ARHGAP17: variants seen among roughly 807,000 people sequenced by gnomAD.
The protein encoded by ARHGAP17 is Rho GTPase activating protein 17.
In ARHGAP17, 57 loss-of-function variants were observed where a neutral mutation model predicts 99.5. The observed-to-expected ratio is 0.57, with a 90% CI of 0.46 to 0.71. The LOEUF is 0.71. Ranked by LOEUF, ARHGAP17 falls within the 30% of genes least tolerant of loss-of-function variation. ARHGAP17 has a pLI of 0.00. For missense variants in ARHGAP17, 1,000 were observed against 1,122.4 expected, an observed-to-expected ratio of 0.89 and a Z score of 1.56; for synonymous variants, 417 against 429.6, an observed-to-expected ratio of 0.97 and a Z score of 0.36.
chr16:24,930,781 T>TA lies in ARHGAP17; in HGVS notation c.2515+2dup, dbSNP rs1376631729. Reference sequence around the variant, plus strand: ...GAAATACGGGCATTGATGTCCTACTTACCTGTTACTATCTTGGAAGCTGTT... The same window carrying TA: ...GAAATACGGGCATTGATGTCCTACTTAACCTGTTACTATCTTGGAAGCTGTT... On this transcript the variant is annotated splice_region_variant and intron_variant, in intron 19 of 19. Transcript: ENST00000289968. 1 of 1,614,214 alleles carries TA rather than the reference T, an allele frequency of 6.2e-7. No homozygotes were observed.
chr16:24,972,032 T>A (rs1207894562), intron 3 of ARHGAP17, among the ~76,000 whole-genome samples: 1 of 152,238 alleles, frequency 6.6e-6, no homozygotes. Flanking sequence ...CAGCATCCCA[T>A]GTAATTTCAC....
intron 19 of ARHGAP17, among the ~76,000 whole-genome samples, chr16:24,924,817 C>T (rs147343131): frequency 1.7e-3 from 251 of 151,460 alleles, no homozygotes; most frequent in African/African-American, 4.4e-3. Context: ...GAGCTGAGAT[C>T]GCACCACTGC....
chr16:24,953,101 G>A lies in ARHGAP17; in HGVS notation c.853-59C>T. ...CAGGTTGGGACACTCAGACTAAGTG[G>A]CAGTGTGTTCTGATGGGTATTTCCT... On this transcript the variant is annotated intron_variant, in intron 10 of 19. Transcript: ENST00000289968. 2.7e-6 allele frequency: 4 copies of A among 1,492,914 alleles called. No homozygotes were observed. The Admixed American group carries it at 6.9e-5, about 26-fold the overall frequency. The allele number at this position is 1,492,914 out of a possible 1,614,324, so 92.5% of individuals were successfully genotyped here.
In ARHGAP17 at chr16:24,995,650, G is replaced by A. The variant is rs1439243452; in HGVS notation, c.54-16645C>T. On this transcript the variant is annotated intron_variant, in intron 1 of 19. Coordinates refer to ENST00000289968, the MANE Select transcript of ARHGAP17 (RefSeq NM_001006634.3). ...CGGCAATCCACCACCAGGGTGGGCAGGAGAGCCAAGGGCCAGCCCAATTCT... is the reference window on the plus strand; with the variant it reads ...CGGCAATCCACCACCAGGGTGGGCAAGAGAGCCAAGGGCCAGCCCAATTCT... 3.3e-5 allele frequency among the ~76,000 whole-genome samples: 5 copies of A among 152,222 alleles called. No homozygotes were observed. In the East Asian group the frequency reaches 9.6e-4, roughly 29 times the overall value.
intron 1 of ARHGAP17, among the ~76,000 whole-genome samples, chr16:24,997,432 G>A (rs542403479): frequency 8.5e-5 from 13 of 152,268 alleles, no homozygotes; most frequent in Non-Finnish European, 1.9e-4. Context: ...ACTAGTGCAA[G>A]GCACCCAGTA....
At chr16:24,927,760 T>A in intron 19 of ARHGAP17, 1 of 1,021,214 alleles carries the variant, frequency 9.8e-7, no homozygotes, top group South Asian at 1.5e-5. Context: ...ATGTTTAAAT[T>A]AGAATACTCT....
intron 18 of ARHGAP17, among the ~76,000 whole-genome samples, chr16:24,932,260 T>C (rs2051015042): frequency 6.6e-6 from 1 of 152,168 alleles, no homozygotes; most frequent in African/African-American, 2.4e-5. Flanking sequence ...TTTGCAACTT[T>C]TCTATAAATT....
At chr16:24,961,266 G>C (rs2051988729) in intron 7 of ARHGAP17, among the ~76,000 whole-genome samples, 1 of 152,176 alleles carries the variant, frequency 6.6e-6, no homozygotes, top group African/African-American at 2.4e-5. Context: ...AATTAGGCAG[G>C]AGGAGGATAA....
chr16:24,964,365 G>A, intron 6 of ARHGAP17, 57 bp from the exon 7 acceptor site: 1 of 1,217,134 alleles, frequency 8.2e-7, no homozygotes, highest in Middle Eastern at 1.9e-4. Context: ...CTCAACAGCT[G>A]GAGGCAGGAC....
Position 24,964,098 on chromosome 16 carries a change from C to A in ARHGAP17, c.573+99G>T, listed in dbSNP as rs150235814. On this transcript the variant is annotated intron_variant, in intron 7 of 19. Coordinates refer to ENST00000289968, the MANE Select transcript of ARHGAP17 (RefSeq NM_001006634.3). Reference sequence around the variant, plus strand: ...TACCTTTAAAATCATTCAAAATATTCTGATAGAAATTATTTAAAACATTAA... The same window carrying A: ...TACCTTTAAAATCATTCAAAATATTATGATAGAAATTATTTAAAACATTAA... 562 of 748,242 alleles carry A rather than the reference C, an allele frequency of 7.5e-4. 1 individual carries two copies. In the African/African-American group the frequency reaches 9.3e-3, roughly 12 times the overall value. 46.4% of individuals were successfully genotyped at this position (748,242 alleles called of 1,614,324 possible).
At chr16:25,002,545 TC>T (rs924422199) in intron 1 of ARHGAP17, among the ~76,000 whole-genome samples, 1 of 151,652 alleles carries the variant, frequency 6.6e-6, no homozygotes, top group Non-Finnish European at 1.5e-5. Context: ...AAACCATCAT[TC>T]CCCCCTAAAA....
At chr16:24,926,105 G>A (rs1344675367) in intron 19 of ARHGAP17, among the ~76,000 whole-genome samples, 89 of 123,546 alleles carry the variant, frequency 7.2e-4, no homozygotes, top group African/African-American at 4.0e-3. Flanking sequence ...GTGAGACTCC[G>A]TCTGAAAAAA....
rs1165361649 is a variant in ARHGAP17 at position 24,941,970 on chromosome 16, G to A, written c.1490+17C>T. On this transcript the variant is annotated intron_variant, in intron 16 of 19. Coordinates refer to ENST00000289968, the MANE Select transcript of ARHGAP17 (RefSeq NM_001006634.3). ...ACATATTTACTGCTGGTTTGGAAGTGAACGGTCAAATCATACCTTTCCTTC... is the reference window on the plus strand; with the variant it reads ...ACATATTTACTGCTGGTTTGGAAGTAAACGGTCAAATCATACCTTTCCTTC... 1 of 1,613,788 alleles carries A rather than the reference G, an allele frequency of 6.2e-7. No homozygotes were observed. The highest frequency in any genetic ancestry group is 1.7e-5 in the Admixed American group (1 of 60,020).
In ARHGAP17 at chr16:24,958,729, T is replaced by C. The variant is rs565531019; in HGVS notation, c.724+942A>G. ...AGTCGCATTCTTGAAGGTGCTGGTA[T>C]GTATGCACATCCACAAAGCATCCCC... On this transcript the variant is annotated intron_variant, in intron 9 of 19. Coordinates refer to ENST00000289968, the MANE Select transcript of ARHGAP17 (RefSeq NM_001006634.3). Among the ~76,000 whole-genome samples the C allele has an allele frequency of 5.3e-5, 8 of 152,306 alleles. No homozygotes were observed. In the South Asian group the frequency reaches 6.2e-4, roughly 12 times the overall value.
rs756681354 is a variant in ARHGAP17 at position 24,930,966 on chromosome 16, G to T, written c.2333C>A (p.Thr778Asn). The T allele has an allele frequency of 6.2e-7, 1 of 1,613,824 alleles. No individual in the cohort carries two copies. The highest frequency in any genetic ancestry group is 1.3e-5 in the African/African-American group (1 of 74,836). ...AGTTTCAGGGTTACCCCCTGCCAGG[G>T]TCTGAGGAGCTGGCAGACTGGGGTT... ...KQNPSLPAPQTLAGGNPETAQ... is the reference protein window; with the variant it reads ...KQNPSLPAPQNLAGGNPETAQ... Residue 778 changes from threonine to asparagine, a missense_variant, in exon 19 of 20, where the codon ACC becomes AAC. Physicochemically the swap from Thr to Asn is moderately conservative, Grantham distance 65 (BLOSUM62 0). Coordinates refer to ENST00000289968, the MANE Select transcript of ARHGAP17 (RefSeq NM_001006634.3).
chr16:24,994,658 C>G (rs1193983227), intron 1 of ARHGAP17, among the ~76,000 whole-genome samples: 1 of 152,162 alleles, frequency 6.6e-6, no homozygotes, highest in Non-Finnish European at 1.5e-5. Flanking sequence ...AAGAACTGAA[C>G]TCTACGGGAT....
At chr16:25,002,578 C>T (rs892824745) in intron 1 of ARHGAP17, among the ~76,000 whole-genome samples, 8 of 152,298 alleles carry the variant, frequency 5.3e-5, no homozygotes, top group South Asian at 2.1e-4. Context: ...GCTTTTCTAA[C>T]GATGGACTTC....
chr16:25,002,893 G>T (rs1056676385), intron 1 of ARHGAP17, among the ~76,000 whole-genome samples: 5 of 152,048 alleles, frequency 3.3e-5, no homozygotes, highest in Admixed American at 3.3e-4. Flanking sequence ...ACAAAAATTA[G>T]CCAGGTGTGG....
chr16:24,956,218 C>T (rs62032850), intron 9 of ARHGAP17: 56,849 of 152,036 alleles, frequency 0.37, 11,996 homozygotes, highest in Non-Finnish European at 0.49. Context: ...TGCTAAGGGG[C>T]GGGCATGCTT....
Sources: gnomAD v4.1 joint callset for allele counts (sites outside exome capture counted in the v4.1 genomes callset) on GRCh38, gnomAD v4.1.1 for gene constraint, MANE v1.5 for transcripts, NCBI Gene and HGNC (gene_info 2026-07-23, HGNC 2026-07-21) for gene names.